INPP5A: variants seen among roughly 807,000 people sequenced by gnomAD.
The protein encoded by INPP5A is inositol polyphosphate-5-phosphatase A.
In INPP5A, 14 loss-of-function variants were observed where a neutral mutation model predicts 65.2. That is an observed-to-expected ratio of 0.21 (90% CI 0.14 to 0.34). INPP5A has a LOEUF of 0.34. Ranked by LOEUF, INPP5A falls within the 10% of genes least tolerant of loss-of-function variation. The probability of loss-of-function intolerance (pLI) is 1.00; values close to 1 mark genes in which losing one functional copy is unlikely to be tolerated. For missense variants in INPP5A, 431 were observed against 545.6 expected (o/e 0.79, Z 2.09); for synonymous variants, 207 against 208.3 (o/e 0.99, Z 0.05).
chr10:132,688,575 A>ATTG (rs1845181889), intron 4 of INPP5A, among the ~76,000 whole-genome samples: 1 of 152,218 alleles, frequency 6.6e-6, no homozygotes, highest in Admixed American at 6.5e-5. Flanking sequence ...TTCTGCCCAA[A>ATTG]ACAAAGCAAG....
At chr10:132,562,003 T>C (rs1313183848) in intron 1 of INPP5A, among the ~76,000 whole-genome samples, 4 of 152,236 alleles carry the variant, frequency 2.6e-5, no homozygotes, top group Admixed American at 6.5e-5. Context: ...CTAGTTATGA[T>C]GGGCAAACTC....
chr10:132,725,070 C>T (rs1402753275), intron 8 of INPP5A, among the ~76,000 whole-genome samples: 1 of 151,848 alleles, frequency 6.6e-6, no homozygotes, highest in African/African-American at 2.4e-5. Flanking sequence ...ATGGGGGTTA[C>T]TCTCCAGAAC....
chr10:132,574,330 G>A (rs1317905408), intron 1 of INPP5A, among the ~76,000 whole-genome samples: 1 of 143,978 alleles, frequency 6.9e-6, no homozygotes, highest in Admixed American at 6.9e-5. Context: ...ACGTGCCGTG[G>A]GAGGTTTTGT....
chr10:132,572,784 C>G (rs188109145), intron 1 of INPP5A, among the ~76,000 whole-genome samples: 1 of 152,186 alleles, frequency 6.6e-6, no homozygotes, highest in East Asian at 1.9e-4. Flanking sequence ...GGCCCTGCCT[C>G]TGCTGGGCGT....
intron 2 of INPP5A, among the ~76,000 whole-genome samples, chr10:132,638,289 A>G (rs115437388): frequency 0.01 from 1,556 of 152,222 alleles, 31 homozygotes; most frequent in African/African-American, 0.035. Context: ...GCAGCCTCCA[A>G]GTCTCGCCTT....
At position 132,644,736 on chromosome 10, in the gene INPP5A, G is replaced by T. The variant is rs2133389460; in HGVS notation, c.118-1132G>T. ...CAGACAGAGAGCCCTGTCGGGGCTT[G>T]CTCCTTGGAAGCGCTGCGCATCCTG... On this transcript the variant is annotated intron_variant, in intron 2 of 15. Transcript: ENST00000368594. The surrounding 1 kb of genome is among the most constrained non-coding windows in gnomAD (Gnocchi z 6.5). Among the ~76,000 whole-genome samples, 6 of 152,376 alleles carry T rather than the reference G, an allele frequency of 3.9e-5. 2 individuals carry two copies. The South Asian group carries it at 1.2e-3, about 32-fold the overall frequency.
chr10:132,630,327 G>A (rs2072248689), intron 2 of INPP5A, among the ~76,000 whole-genome samples: 1 of 151,010 alleles, frequency 6.6e-6, no homozygotes, highest in Admixed American at 6.6e-5. Context: ...AGGGGAGGGT[G>A]TCCTCTAGGG....
chr10:132,622,136 TAGC>T (rs563854995), intron 2 of INPP5A, among the ~76,000 whole-genome samples: 119 of 152,342 alleles, frequency 7.8e-4, no homozygotes, highest in African/African-American at 2.7e-3. Flanking sequence ...ATATTTACAA[TAGC>T]AGTAAAATGA....
At chr10:132,750,889 C>T (rs760438015) in intron 11 of INPP5A, among the ~76,000 whole-genome samples, 2 of 152,214 alleles carry the variant, frequency 1.3e-5, no homozygotes, top group Non-Finnish European at 2.9e-5. Flanking sequence ...GGCGGGTAGA[C>T]CCAGGACACT....
At chr10:132,562,489 G>A (rs1478779468) in intron 1 of INPP5A, among the ~76,000 whole-genome samples, 1 of 152,258 alleles carries the variant, frequency 6.6e-6, no homozygotes, top group Non-Finnish European at 1.5e-5. Flanking sequence ...TCGGGTCACA[G>A]CGAGGTGCAG....
intron 1 of INPP5A, among the ~76,000 whole-genome samples, chr10:132,573,265 T>C (rs367870742): frequency 5.1e-5 from 7 of 137,432 alleles, no homozygotes; most frequent in East Asian, 2.3e-4. Flanking sequence ...GTGTGTGTGC[T>C]GTGTGAGGTT....
rs565595529 is a variant in INPP5A, at chr10:132,543,694, A to G, written c.75+5523A>G. On this transcript the variant is annotated intron_variant, in intron 1 of 15. Transcript: ENST00000368594. ...TGGCCTCCCAAAGTGCTGGGCTTAC[A>G]GGCATGAGCCACAGTGCCAAGTCTC... Among the ~76,000 whole-genome samples, 7 of 152,396 alleles carry G rather than the reference A, an allele frequency of 4.6e-5. No individual in the cohort carries two copies. In the South Asian group the frequency reaches 1.2e-3, roughly 27 times the overall value.
chr10:132,607,641 C>T (rs548696425), intron 1 of INPP5A, among the ~76,000 whole-genome samples: 24 of 152,342 alleles, frequency 1.6e-4, no homozygotes, highest in African/African-American at 5.5e-4. Context: ...CCTCGCCACC[C>T]GTGTGGGGGC....
chr10:132,553,753 G>A (rs1229577485), intron 1 of INPP5A, among the ~76,000 whole-genome samples: 2 of 144,596 alleles, frequency 1.4e-5, no homozygotes, highest in Non-Finnish European at 3.0e-5. Flanking sequence ...GAGCCTTGGT[G>A]TGGAATATTG....
intron 4 of INPP5A, among the ~76,000 whole-genome samples, chr10:132,669,125 C>T (rs544377393): frequency 1.4e-4 from 22 of 152,082 alleles, no homozygotes; most frequent in Admixed American, 5.9e-4. Context: ...TGGTGGTGGG[C>T]GCCTGTAGTC....
At chr10:132,653,079 C>G (rs2072599506) in intron 4 of INPP5A, among the ~76,000 whole-genome samples, 1 of 152,252 alleles carries the variant, frequency 6.6e-6, no homozygotes, top group Non-Finnish European at 1.5e-5. Context: ...CAGCCACCGA[C>G]AGAAGGCACC....
At chr10:132,712,008 G>A (rs74604294) in intron 8 of INPP5A, among the ~76,000 whole-genome samples, 3,334 of 152,322 alleles carry the variant, frequency 0.022, 58 homozygotes, top group South Asian at 0.054. Context: ...GACCAGCGCC[G>A]TCAGATGCTC....
chr10:132,776,303 C>G (rs1030097215), intron 12 of INPP5A, among the ~76,000 whole-genome samples: 17 of 152,146 alleles, frequency 1.1e-4, no homozygotes, highest in Non-Finnish European at 2.5e-4. Flanking sequence ...AGTGTGGCTC[C>G]CGCTGGAGCG....
Position 132,666,361 on chromosome 10 carries a change from G to T in INPP5A, c.306+15856G>T, listed in dbSNP as rs752550429. On this transcript the variant is annotated intron_variant, in intron 4 of 15. Coordinates refer to ENST00000368594, the MANE Select transcript of INPP5A (RefSeq NM_005539.5). ...AAACTTGAGGAACTGTGAAGTCATC[G>T]TAGGCAGTAGGGAGGTAACGGATAA... Among the ~76,000 whole-genome samples the T allele has an allele frequency of 3.7e-4, 56 of 152,198 alleles. 1 individual carries two copies. Among genetic ancestry groups the T allele is most frequent in the Admixed American group, 3.3e-3 (50 of 15,292 alleles).
Sources: gnomAD v4.1 joint callset for allele counts (sites outside exome capture counted in the v4.1 genomes callset) on GRCh38, gnomAD v4.1.1 for gene constraint, Gnocchi (gnomAD v3.1) non-coding constraint, MANE v1.5 for transcripts, NCBI Gene and HGNC (gene_info 2026-07-23, HGNC 2026-07-21) for gene names.